The following FAM83E variants were observed in gnomAD, a reference collection of about 807,000 sequenced individuals.
FAM83E encodes scaffolding CK1 anchoring protein E.
In FAM83E, 29 loss-of-function variants were observed where a neutral mutation model predicts 34.3. The observed-to-expected ratio is 0.85, with a 90% CI of 0.63 to 1.15. FAM83E has a LOEUF of 1.15. FAM83E is among the 50% of genes most tolerant of loss of function. FAM83E has a pLI of 0.00. For missense variants in FAM83E, 697 were observed against 685.0 expected (o/e 1.02, Z -0.20); for synonymous variants, 312 against 311.6 (o/e 1.00, Z -0.01).
chr19:48,614,331 T>C lies in FAM83E; in HGVS notation c.-959A>G. On this transcript the variant is annotated 5_prime_UTR_variant, in exon 3 of 7. Coordinates refer to ENST00000263266, the MANE Select transcript of FAM83E (RefSeq NM_017708.4). ...CCTCCTCAGGCTGGCTGCCCCTGCC[T>C]GGGGCCTGGCCCTGGGACCTGTTCC... 2 of 985,592 alleles carry C rather than the reference T, an allele frequency of 2.0e-6. No individual in the cohort carries two copies. Among genetic ancestry groups the C allele is most frequent in the Non-Finnish European group, 2.4e-6 (2 of 830,136 alleles). The allele number at this position is 985,592 out of a possible 1,614,324, so 61.1% of individuals were successfully genotyped here. A position where few individuals can be genotyped will look rare whatever the true frequency, so the allele number is the denominator to read the frequency against.
intron 3 of FAM83E, among the ~76,000 whole-genome samples, 200 bp from the exon 4 acceptor site, chr19:48,611,047 C>T (rs765743882): frequency 2.0e-5 from 3 of 152,190 alleles, no homozygotes; most frequent in Non-Finnish European, 2.9e-5. Context: ...ATGAGCAAAA[C>T]GCTGCCCCTC....
intron 4 of FAM83E, 21 bp downstream of exon 4, chr19:48,610,659 A>G (rs959230598): frequency 1.7e-5 from 27 of 1,550,910 alleles, no homozygotes; most frequent in Non-Finnish European, 2.4e-5. Context: ...GACTCACAGG[A>G]CCCCCTGGCC....
rs1016759805 is a variant in FAM83E, at chr19:48,603,696, G to A, written c.974C>T (p.Pro325Leu). 3.0e-6 allele frequency: 4 copies of A among 1,337,106 alleles called. No homozygotes were observed. The allele number at this position is 1,337,106 out of a possible 1,614,324, so 82.8% of individuals were successfully genotyped here. The change falls in exon 6 of 7, where the codon CCT (proline) becomes CTT (leucine). Residue 325 changes from proline (P) to leucine (L), a missense_variant. By Grantham distance (98) the Pro-to-Leu change is moderately conservative (BLOSUM62 -3). Transcript: ENST00000263266. ...GGCCAGCGGGCCGTCAGGCGGCGGA[G>A]GCGACGCGGGGGCCACGGAGCGGCG... The part of the protein sequence containing the change: ...SRRRSVAPAS[P>L]PPPDGPLAHR...
intron 5 of FAM83E, 112 bp from the exon 6 acceptor site, chr19:48,604,023 T>A: frequency 9.4e-7 from 1 of 1,062,400 alleles, no homozygotes; most frequent in Non-Finnish European, 1.3e-6. Flanking sequence ...AGTCCTGACC[T>A]CTCCAGCCTC....
rs995190837 is a variant in FAM83E at position 48,614,462 on chromosome 19, G to C, written c.-1090C>G. 4.3e-5 allele frequency: 42 copies of C among 985,462 alleles called. No homozygotes were observed. In the African/African-American group the frequency reaches 7.2e-4, roughly 17 times the overall value. 61.0% of individuals were successfully genotyped at this position (985,462 alleles called of 1,614,324 possible). Reference sequence around the variant, plus strand: ...TACCCGGACGCTTCTTCCCGGACAGGGGCCAGTCTCTATCTCGCCCTGTCT... The same window carrying C: ...TACCCGGACGCTTCTTCCCGGACAGCGGCCAGTCTCTATCTCGCCCTGTCT... On this transcript the variant is annotated 5_prime_UTR_variant, in exon 3 of 7. Coordinates refer to ENST00000263266, the MANE Select transcript of FAM83E (RefSeq NM_017708.4).
At position 48,603,563 on chromosome 19, in the gene FAM83E, C is replaced by A. The variant is rs1180617843; in HGVS notation, c.1107G>T (p.Arg369=). 6.4e-7 allele frequency: 1 copy of A among 1,560,074 alleles called. No homozygotes were observed. The highest frequency in any genetic ancestry group is 1.8e-5 in the Admixed American group (1 of 54,668). ...TTAGGTCCCACATGGAGCGGCTGGG[C>A]CGGGCCGGGGGGCCGCTGGGGGTCC... ...RARTPSGPPA[R]PSRSMWDLSR... The change falls in exon 6 of 7, where the codon CGG becomes CGT. Residue 369 remains arginine (R), a synonymous_variant. Coordinates refer to ENST00000263266, the MANE Select transcript of FAM83E (RefSeq NM_017708.4).
rs766117315 is a variant in FAM83E at position 48,613,219 on chromosome 19, G to A, written c.154C>T (p.Arg52Cys). 134 of 1,610,722 alleles carry A rather than the reference G, an allele frequency of 8.3e-5. No individual in the cohort carries two copies. Among genetic ancestry groups the A allele is most frequent in the Middle Eastern group, 3.3e-4 (2 of 6,084 alleles). ...GAEAFQTCVQ[R>C]EELWPFLSAD... Reference sequence around the variant, plus strand: ...CTGAGGAAGGGCCACAGCTCCTCGCGCTGCACGCAGGTCTGGAACGCCTCC... The same window carrying A: ...CTGAGGAAGGGCCACAGCTCCTCGCACTGCACGCAGGTCTGGAACGCCTCC... The change falls in exon 3 of 7, where the codon CGC becomes TGC. Residue 52 changes from arginine (R) to cysteine (C), a missense_variant. By Grantham distance (180) the Arg-to-Cys change is radical (BLOSUM62 -3). Transcript: ENST00000263266.
chr19:48,610,448 A>G (rs1974020817), intron 4 of FAM83E, among the ~76,000 whole-genome samples: 1 of 147,076 alleles, frequency 6.8e-6, no homozygotes, highest in African/African-American at 2.5e-5. Flanking sequence ...CAGCTTCCTT[A>G]GAGCCACTGA....
Position 48,603,556 on chromosome 19 carries a change from G to T in FAM83E, c.1114C>A (p.Arg372Ser). Reference sequence around the variant, plus strand: ...AGGCGGCTTAGGTCCCACATGGAGCGGCTGGGCCGGGCCGGGGGGCCGCTG... The same window carrying T: ...AGGCGGCTTAGGTCCCACATGGAGCTGCTGGGCCGGGCCGGGGGGCCGCTG... ...TPSGPPARPS[R>S]SMWDLSRLSQ... The change falls in exon 6 of 7, where the codon CGC (arginine) becomes AGC (serine). Residue 372 changes from arginine (R) to serine (S), a missense_variant. Coordinates refer to ENST00000263266, the MANE Select transcript of FAM83E (RefSeq NM_017708.4). 6.4e-7 allele frequency: 1 copy of T among 1,562,618 alleles called. No individual in the cohort carries two copies. The highest frequency in any genetic ancestry group is 2.5e-5 in the East Asian group (1 of 39,468).
Position 48,613,196 on chromosome 19 carries a change from G to A in FAM83E, c.177C>T (p.Leu59=), listed in dbSNP as rs1340805653. 1.2e-6 allele frequency: 2 copies of A among 1,611,506 alleles called. No individual in the cohort carries two copies. The highest frequency in any genetic ancestry group is 1.3e-5 in the African/African-American group (1 of 74,948). ...CVQREELWPF[L]SADEVQGLAA... is the part of the protein sequence containing the mutation. The stretch of plus-strand genomic sequence containing the variant: ...CCAAGCCCTGAACCTCATCCGCACT[G>A]AGGAAGGGCCACAGCTCCTCGCGCT... Residue 59 remains leucine, a synonymous_variant, in exon 3 of 7, where the codon CTC becomes CTT. Coordinates refer to ENST00000263266, the MANE Select transcript of FAM83E (RefSeq NM_017708.4).
Position 48,613,387 on chromosome 19 carries a change from TG to T in FAM83E, c.-16del. The T allele has an allele frequency of 6.6e-7, 1 of 1,524,054 alleles. No individual in the cohort carries two copies. The highest frequency in any genetic ancestry group is 8.8e-7 in the Non-Finnish European group (1 of 1,136,920). The allele number at this position is 1,524,054 out of a possible 1,614,324, so 94.4% of individuals were successfully genotyped here. A position where few individuals can be genotyped will look rare whatever the true frequency, so the allele number is the denominator to read the frequency against. On this transcript the variant is annotated 5_prime_UTR_variant, in exon 3 of 7. Transcript: ENST00000263266. ...GAGGCCGCCATCGGGGTCACTCGGGTGGGAGGACTGACTGTGAGAGGCTGGG... is the reference window on the plus strand; with the variant it reads ...GAGGCCGCCATCGGGGTCACTCGGGTGGAGGACTGACTGTGAGAGGCTGGG...
intron 5 of FAM83E, among the ~76,000 whole-genome samples, chr19:48,605,046 TATCTG>T (rs1973903163): frequency 6.9e-6 from 1 of 144,228 alleles, no homozygotes; most frequent in Admixed American, 6.8e-5. Context: ...AAAAAAAACT[TATCTG>T]GAATCAGACT....
At chr19:48,604,345 T>TG (rs1973888377) in intron 5 of FAM83E, among the ~76,000 whole-genome samples, 1 of 138,278 alleles carries the variant, frequency 7.2e-6, no homozygotes, top group Non-Finnish European at 1.6e-5. Context: ...TTTTTTTTTT[T>TG]GTGAGACGGA....
chr19:48,610,398 CAAAA>C (rs71179016), intron 4 of FAM83E, among the ~76,000 whole-genome samples: 1 of 31,358 alleles, frequency 3.2e-5, no homozygotes, highest in South Asian at 1.6e-3. Context: ...CACTCCGTCT[CAAAA>C]AAAAAAAAAA....
chr19:48,606,760 T>G (rs767463104), intron 5 of FAM83E: 26 of 589,588 alleles, frequency 4.4e-5, no homozygotes, highest in Non-Finnish European at 7.8e-5. Flanking sequence ...CACAGACTCT[T>G]GTTGGGCAGC....
At chr19:48,602,726 T>A (rs866887140) in intron 6 of FAM83E, among the ~76,000 whole-genome samples, 3,836 of 71,048 alleles carry the variant, frequency 0.054, 859 homozygotes, top group African/African-American at 0.081. Context: ...TATATATATA[T>A]ATATATATAT....
At chr19:48,607,010 T>C in intron 5 of FAM83E, 1 of 1,610,002 alleles carries the variant, frequency 6.2e-7, no homozygotes, top group Non-Finnish European at 8.5e-7. Flanking sequence ...CTTCTGGTGA[T>C]GGCTCTGCCC....
intron 5 of FAM83E, among the ~76,000 whole-genome samples, chr19:48,605,481 A>AG (rs1480980306): frequency 6.6e-6 from 1 of 152,034 alleles, no homozygotes; most frequent in Non-Finnish European, 1.5e-5. Flanking sequence ...AGGCTCAGGG[A>AG]GGAGAATCAC....
In FAM83E at chr19:48,613,097, A is replaced by T. The variant is rs758177929; in HGVS notation, c.276T>A (p.Asp92Glu). The T allele has an allele frequency of 1.9e-6, 3 of 1,610,382 alleles. No homozygotes were observed. The highest frequency in any genetic ancestry group is 2.5e-6 in the Non-Finnish European group (3 of 1,179,016). The change falls in exon 3 of 7, where the codon GAT (aspartate) becomes GAA (glutamate). Residue 92 changes from aspartate to glutamate, a missense_variant. Coordinates refer to ENST00000263266, the MANE Select transcript of FAM83E (RefSeq NM_017708.4). The part of the protein sequence containing the change: ...SGMAEGATTT[D>E]VDAGSLSYWP... ...AGTAGCTCAGGCTGCCCGCGTCCACATCGGTGGTGGTGGCTCCCTCTGCCA... is the reference window on the plus strand; with the variant it reads ...AGTAGCTCAGGCTGCCCGCGTCCACTTCGGTGGTGGTGGCTCCCTCTGCCA...
Sources: gnomAD v4.1 joint callset for allele counts (sites outside exome capture counted in the v4.1 genomes callset) on GRCh38, gnomAD v4.1.1 for gene constraint, MANE v1.5 for transcripts, NCBI Gene and HGNC (gene_info 2026-07-23, HGNC 2026-07-21) for gene names.